The following PLS3 variants were observed in gnomAD, a reference collection of about 807,000 sequenced individuals.
The protein encoded by PLS3 is plastin-3.
In PLS3, 11 loss-of-function variants were observed where a neutral mutation model predicts 46.5. That is an observed-to-expected ratio of 0.24 (90% CI 0.15 to 0.39). The LOEUF is 0.39. Ranked by LOEUF, PLS3 falls within the 10% of genes least tolerant of loss-of-function variation. The pLI is 1.00. For missense variants in PLS3, 308 were observed against 461.8 expected, an observed-to-expected ratio of 0.67 and a Z score of 3.05; for synonymous variants, 167 against 162.2, an observed-to-expected ratio of 1.03 and a Z score of -0.22.
At chrX:115,633,335 T>G (rs1341452917) in intron 5 of PLS3, among the ~76,000 whole-genome samples, 1 of 110,345 alleles carries the variant, frequency 9.1e-6, no homozygotes, top group African/African-American at 3.3e-5. Flanking sequence ...CACGCTGTGC[T>G]AATTTTTGTA....
intron 1 of PLS3, among the ~76,000 whole-genome samples, chrX:115,591,945 C>T (rs920840348): frequency 8.9e-6 from 1 of 111,861 alleles, no homozygotes; most frequent in East Asian, 2.8e-4. Context: ...TGATATTTCA[C>T]GAAGGTTTTG....
chrX:115,622,320 G>A lies in PLS3; in HGVS notation c.148G>A (p.Gly50Arg). ...CAAGGAAGCTAATATGCCATTACCA[G>A]GATATAAAGTGAGAGAAATTATTCA... ...LFKEANMPLP[G>R]YKVREIIQKL... Residue 50 changes from glycine (G) to arginine (R), a missense_variant, in exon 3 of 16, where the codon GGA becomes AGA. Gly to Arg is a moderately radical substitution (Grantham distance 125). This residue lies in a region of PLS3 where 271 missense variants were observed against 435.7 expected (regional missense o/e 0.62). Transcript: ENST00000355899. The A allele has an allele frequency of 8.5e-7, 1 of 1,181,941 alleles. No individual in the cohort carries two copies. Among genetic ancestry groups the A allele is most frequent in the Non-Finnish European group, 1.1e-6 (1 of 870,621 alleles).
At chrX:115,644,005 G>A (rs2074925529) in intron 10 of PLS3, among the ~76,000 whole-genome samples, 1 of 111,148 alleles carries the variant, frequency 9.0e-6, no homozygotes, top group Non-Finnish European at 1.9e-5. Flanking sequence ...AAGTAGTCGA[G>A]TCGCTTAATG....
intron 1 of PLS3, among the ~76,000 whole-genome samples, chrX:115,561,824 C>T (rs1230327306): frequency 5.4e-5 from 6 of 111,409 alleles, no homozygotes; most frequent in African/African-American, 2.0e-4. Flanking sequence ...GGGCCGTGGC[C>T]GAGGGAAGGC....
intron 9 of PLS3, among the ~76,000 whole-genome samples, chrX:115,642,148 G>T (rs1471332145): frequency 9.3e-6 from 1 of 107,946 alleles, no homozygotes; most frequent in Non-Finnish European, 1.9e-5. Context: ...CAAAGTGCTG[G>T]GATTACAGGC....
At chrX:115,603,270 A>G (rs952539858) in intron 1 of PLS3, among the ~76,000 whole-genome samples, 13 of 111,310 alleles carry the variant, frequency 1.2e-4, no homozygotes, top group African/African-American at 3.9e-4. Context: ...TGTACACTAT[A>G]TCCTTTTATG....
chrX:115,579,129 T>C (rs782141990), intron 1 of PLS3, among the ~76,000 whole-genome samples: 44 of 112,188 alleles, frequency 3.9e-4, no homozygotes, highest in South Asian at 1.1e-3. Flanking sequence ...AATTTTGTCA[T>C]TTAAAAATAT....
intron 2 of PLS3, chrX:115,610,906 T>G: frequency 9.9e-7 from 1 of 1,012,151 alleles, no homozygotes; most frequent in Non-Finnish European, 1.3e-6. Flanking sequence ...GCCTTACAAT[T>G]GAGCAGCTAT....
At position 115,629,884 on chromosome X, in the gene PLS3, T is replaced by C; in HGVS notation, c.417T>C (p.Asn139=). 1 of 1,155,158 alleles carries C rather than the reference T, an allele frequency of 8.7e-7. No individual in the cohort carries two copies. Among genetic ancestry groups the C allele is most frequent in the African/African-American group, 1.8e-5 (1 of 56,652 alleles). ...FVNWINKALE[N]DPDCRHVIPM... ...ACTGGATAAACAAAGCTTTGGAAAA[T>C]GATCCTGATTGTAGACATGTTATAC... The change falls in exon 5 of 16, where the codon AAT becomes AAC. Residue 139 remains asparagine (N), a synonymous_variant. Transcript: ENST00000355899.
chrX:115,648,071 T>A, intron 15 of PLS3, 54 bp downstream of exon 15: 1 of 951,987 alleles, frequency 1.1e-6, no homozygotes, highest in Non-Finnish European at 1.5e-6. Flanking sequence ...GCTGGACAGA[T>A]CTGAATTCTA....
In PLS3 at chrX:115,646,195, T is replaced by A; in HGVS notation, c.1377+9T>A. On this transcript the variant is annotated intron_variant, in intron 12 of 15. Transcript: ENST00000355899. ...GAGCCAACATGAAAAAGGTAGATAA[T>A]TAAGTTGCTGTATATATTTGTTAGA... 2 of 992,071 alleles carry A rather than the reference T, an allele frequency of 2.0e-6. No homozygotes were observed. The highest frequency in any genetic ancestry group is 2.8e-6 in the Non-Finnish European group (2 of 703,772). The allele number at this position is 992,071 out of a possible 1,213,427, so 81.8% of individuals were successfully genotyped here. A position where few individuals can be genotyped will look rare whatever the true frequency, so the allele number is the denominator to read the frequency against.
At chrX:115,630,647 A>G (rs1404937921) in intron 5 of PLS3, among the ~76,000 whole-genome samples, 1 of 103,416 alleles carries the variant, frequency 9.7e-6, no homozygotes, top group African/African-American at 3.5e-5. Flanking sequence ...TGCTTAGGGT[A>G]GTGCAACTGA....
At chrX:115,600,932 A>G (rs1361452305) in intron 1 of PLS3, among the ~76,000 whole-genome samples, 3 of 110,830 alleles carry the variant, frequency 2.7e-5, no homozygotes, top group Non-Finnish European at 3.8e-5. Flanking sequence ...AGACGCAGAT[A>G]GAGAGAGAGG....
At chrX:115,579,793 C>T (rs924179597) in intron 1 of PLS3, among the ~76,000 whole-genome samples, 1 of 111,448 alleles carries the variant, frequency 9.0e-6, no homozygotes, top group South Asian at 3.8e-4. Flanking sequence ...AGTGCAGTGG[C>T]GCAATCACGG....
chrX:115,647,000 G>C (rs1456913243), intron 13 of PLS3, among the ~76,000 whole-genome samples: 4 of 111,954 alleles, frequency 3.6e-5, no homozygotes, highest in African/African-American at 1.3e-4. Flanking sequence ...GTGGGCTGTT[G>C]GACCTGCTCA....
At chrX:115,599,672 G>A (rs1311594644) in intron 1 of PLS3, among the ~76,000 whole-genome samples, 1 of 102,885 alleles carries the variant, frequency 9.7e-6, no homozygotes, top group Non-Finnish European at 2.0e-5. Context: ...TTGCTGTGTC[G>A]CCCAGGCTGG....
At chrX:115,626,936 T>C (rs189413687) in intron 3 of PLS3, among the ~76,000 whole-genome samples, 1,718 of 108,392 alleles carry the variant, frequency 0.016, 39 homozygotes, top group African/African-American at 0.055. Context: ...GCAACCTCCA[T>C]CTCCCGGGTT....
chrX:115,569,083 T>C (rs2074196848), intron 1 of PLS3, among the ~76,000 whole-genome samples: 1 of 110,442 alleles, frequency 9.1e-6, no homozygotes, highest in Non-Finnish European at 1.9e-5. Flanking sequence ...GGCCATTCTT[T>C]ATATAGTGTA....
chrX:115,577,744 C>T (rs1222952000), intron 1 of PLS3, among the ~76,000 whole-genome samples: 2 of 111,456 alleles, frequency 1.8e-5, no homozygotes, highest in African/African-American at 6.5e-5. Flanking sequence ...TCTAAAAGTG[C>T]TGGGATTACA....
Sources: allele counts gnomAD v4.1 joint callset (sites outside exome capture counted in the v4.1 genomes callset), GRCh38; gene constraint gnomAD v4.1.1; regional missense constraint gnomAD v4.1.1; transcripts MANE v1.5; gene names NCBI Gene and HGNC (gene_info 2026-07-23, HGNC 2026-07-21).